SHISA9: variants seen among roughly 807,000 people sequenced by gnomAD.
The protein encoded by SHISA9 is protein shisa-9.
SHISA9 carries 13 observed loss-of-function variants against 38.0 expected under a neutral mutation model. The ratio of observed to expected loss-of-function variants is 0.34; its 90% CI spans 0.22 to 0.54. The LOEUF is 0.54. Ranked by LOEUF, SHISA9 falls within the 20% of genes least tolerant of loss-of-function variation. The probability of loss-of-function intolerance (pLI) is 0.91; values close to 1 mark genes in which losing one functional copy is unlikely to be tolerated. For missense variants in SHISA9, 538 were observed against 575.8 expected, an observed-to-expected ratio of 0.93 and a Z score of 0.67; for synonymous variants, 275 against 242.0, an observed-to-expected ratio of 1.14 and a Z score of -1.27.
chr16:13,302,788 T>A, the SHISA9 span, among the ~76,000 whole-genome samples: 1 of 152,158 alleles, frequency 6.6e-6, no homozygotes. Context: ...ATAATCCCCA[T>A]GTGTCGAGGG....
At chr16:13,092,581 C>A (rs562029691) in intron 2 of SHISA9, among the ~76,000 whole-genome samples, 4 of 152,362 alleles carry the variant, frequency 2.6e-5, no homozygotes, top group Admixed American at 2.6e-4. Context: ...TCTCAGACGG[C>A]TGCGCTAGCA....
the SHISA9 span, among the ~76,000 whole-genome samples, chr16:13,422,247 C>T: frequency 6.6e-6 from 1 of 152,310 alleles, no homozygotes; most frequent in East Asian, 1.9e-4. Flanking sequence ...GGCTAAAGCA[C>T]AAAGTAGCAA....
At chr16:13,218,230 C>G (rs1274750577) in intron 4 of SHISA9, among the ~76,000 whole-genome samples, 1 of 152,118 alleles carries the variant, frequency 6.6e-6, no homozygotes, top group Non-Finnish European at 1.5e-5. Context: ...ACTGGAGACG[C>G]TTGTTACAAA....
chr16:13,021,442 C>T (rs571606163), intron 2 of SHISA9, among the ~76,000 whole-genome samples: 1 of 152,266 alleles, frequency 6.6e-6, no homozygotes, highest in South Asian at 2.1e-4. Flanking sequence ...CGAAGAGTCT[C>T]CCATGCATGG....
intron 2 of SHISA9, among the ~76,000 whole-genome samples, chr16:13,048,510 C>G (rs1297066900): frequency 6.6e-6 from 1 of 152,200 alleles, no homozygotes; most frequent in Non-Finnish European, 1.5e-5. Context: ...CAACCTCCAC[C>G]TCCCAGGTTC....
At chr16:13,100,617 G>A (rs1485329852) in intron 2 of SHISA9, among the ~76,000 whole-genome samples, 3 of 152,158 alleles carry the variant, frequency 2.0e-5, no homozygotes, top group African/African-American at 7.2e-5. Context: ...TCCTTGTTCG[G>A]GGCCTCCAGA....
intron 2 of SHISA9, among the ~76,000 whole-genome samples, chr16:13,114,703 T>C (rs57655078): frequency 0.05 from 7,582 of 152,170 alleles, 285 homozygotes; most frequent in East Asian, 0.17. Context: ...TAATGAATTT[T>C]ATGTGTTTTT....
rs568957285 is a variant in SHISA9, at chr16:13,156,224, C to T, written c.692-47170C>T. The stretch of plus-strand genomic sequence containing the variant: ...CTTACCTAATAGAAAACCGTGTACA[C>T]GCAGCTCAGACAGAGCCATATACAT... On this transcript the variant is annotated intron_variant, in intron 2 of 4. Coordinates refer to ENST00000558583, the MANE Select transcript of SHISA9 (RefSeq NM_001145204.3). 1.2e-3 allele frequency among the ~76,000 whole-genome samples: 189 copies of T among 152,220 alleles called. 1 individual carries two copies. The highest frequency in any genetic ancestry group is 4.2e-3 in the African/African-American group (176 of 41,536).
chr16:13,196,415 G>GA (rs894618864), intron 2 of SHISA9, among the ~76,000 whole-genome samples: 25 of 128,400 alleles, frequency 1.9e-4, no homozygotes, highest in Non-Finnish European at 3.6e-4. Flanking sequence ...AAAAAAGAAA[G>GA]AAAAAAAAAA....
intron 2 of SHISA9, among the ~76,000 whole-genome samples, chr16:12,955,703 T>C (rs1382436559): frequency 6.7e-6 from 1 of 150,246 alleles, no homozygotes; most frequent in African/African-American, 2.4e-5. Context: ...TGGCTAGCCA[T>C]ATGCAGAAAA....
At chr16:13,270,563 A>G in the SHISA9 span, among the ~76,000 whole-genome samples, 1 of 152,236 alleles carries the variant, frequency 6.6e-6, no homozygotes, top group Non-Finnish European at 1.5e-5. Context: ...AGTGAAGTGG[A>G]GAGAAGCCAA....
the SHISA9 span, among the ~76,000 whole-genome samples, chr16:13,413,861 A>G: frequency 6.6e-6 from 1 of 151,328 alleles, no homozygotes; most frequent in Non-Finnish European, 1.5e-5. Context: ...TGAATCAGCT[A>G]GTTGCTATTG....
At chr16:13,335,553 C>T in the SHISA9 span, among the ~76,000 whole-genome samples, 1 of 152,166 alleles carries the variant, frequency 6.6e-6, no homozygotes, top group South Asian at 2.1e-4. Flanking sequence ...CATTCCTGCT[C>T]CGTACATAAA....
the SHISA9 span, among the ~76,000 whole-genome samples, chr16:13,474,747 T>G: frequency 2.0e-5 from 3 of 152,212 alleles, no homozygotes; most frequent in South Asian, 6.2e-4. Context: ...GAGGTGCCTT[T>G]TAAGGTAAGA....
At chr16:13,481,553 G>A in the SHISA9 span, among the ~76,000 whole-genome samples, 1 of 152,158 alleles carries the variant, frequency 6.6e-6, no homozygotes, top group African/African-American at 2.4e-5. Context: ...ACATTCACAC[G>A]CTGTTTTGTA....
chr16:13,402,100 G>C, the SHISA9 span, among the ~76,000 whole-genome samples: 4 of 150,432 alleles, frequency 2.7e-5, no homozygotes, highest in African/African-American at 9.7e-5. Context: ...CATATAATCA[G>C]TGTTCTCCAG....
the SHISA9 span, among the ~76,000 whole-genome samples, chr16:13,442,779 C>G: frequency 9.9e-5 from 15 of 152,152 alleles, 1 homozygote; most frequent in South Asian, 4.1e-4. Context: ...CATAGTGAGA[C>G]TTGGTCTCAA....
downstream of SHISA9, among the ~76,000 whole-genome samples, chr16:13,240,946 G>C (rs980806417): frequency 6.6e-6 from 1 of 152,030 alleles, no homozygotes; most frequent in African/African-American, 2.4e-5. Flanking sequence ...ATACTGGGAG[G>C]GGGTGGGAGG....
the SHISA9 span, chr16:13,258,390 C>T: frequency 1.3e-5 from 2 of 152,170 alleles, no homozygotes; most frequent in South Asian, 4.1e-4. Context: ...TTCAAGGTTT[C>T]TTTGAAGACT....
Sources: allele counts gnomAD v4.1 joint callset (sites outside exome capture counted in the v4.1 genomes callset), GRCh38; gene constraint gnomAD v4.1.1; transcripts MANE v1.5; gene names NCBI Gene and HGNC (gene_info 2026-07-23, HGNC 2026-07-21).